VWF: variants seen among roughly 807,000 people sequenced by gnomAD.
VWF encodes the protein von Willebrand factor, also known as Factor VIII related antigen.
Under a neutral mutation model 308.6 loss-of-function variants are expected in VWF, and 176 were observed. The ratio of observed to expected loss-of-function variants is 0.57; its 90% CI spans 0.50 to 0.65. VWF has a LOEUF of 0.65. Ranked by LOEUF, VWF falls within the 30% of genes least tolerant of loss-of-function variation. The pLI, the probability that VWF is intolerant of heterozygous loss-of-function variation, is 0.00. For missense variants in VWF, 3,146 were observed against 3,648.2 expected, an observed-to-expected ratio of 0.86 and a Z score of 3.55; for synonymous variants, 1,385 against 1,443.4, an observed-to-expected ratio of 0.96 and a Z score of 0.92.
rs747032800 is a variant in VWF at position 6,019,554 on chromosome 12, C to A, written c.3864G>T (p.Leu1288=). The A allele has an allele frequency of 1.9e-6, 3 of 1,613,992 alleles. No homozygotes were observed. The highest frequency in any genetic ancestry group is 2.7e-5 in the African/African-American group (2 of 75,052). ...LVFLLDGSSR[L]SEAEFEVLKA... ...TCAGCACTTCAAACTCAGCCTCGGA[C>A]AGCCTGGAGGAGCCATCCAGCAGGA... The change falls in exon 28 of 52, where the codon CTG becomes CTT. Residue 1288 remains leucine, a synonymous_variant. Transcript: ENST00000261405. The surrounding 1 kb of genome is among the most constrained non-coding windows in gnomAD (Gnocchi z 5.8).
At chr12:5,989,843 T>C (rs76562201) in intron 38 of VWF, among the ~76,000 whole-genome samples, 1,817 of 152,310 alleles carry the variant, frequency 0.012, 41 homozygotes, top group African/African-American at 0.042. Context: ...AAAAGATCAT[T>C]TCTGTCTCCT....
At chr12:6,089,685 C>T (rs532873472) in intron 6 of VWF, among the ~76,000 whole-genome samples, 4 of 152,238 alleles carry the variant, frequency 2.6e-5, no homozygotes, top group East Asian at 1.9e-4. Flanking sequence ...CTTTGTATTC[C>T]GAGGGTAGGG....
In VWF at chr12:6,031,438, A is replaced by G. The variant is rs1319162197; in HGVS notation, c.2820+6T>C. 9 of 1,614,152 alleles carry G rather than the reference A, an allele frequency of 5.6e-6. No homozygotes were observed. The highest frequency in any genetic ancestry group is 7.6e-6 in the Non-Finnish European group (9 of 1,180,034). ...GACATGAGGGTGGAGATGAGGCTGC[A>G]CTTACCTCCCCGTCAAACAGCTCAA... On this transcript the variant is annotated splice_donor_region_variant and intron_variant, in intron 21 of 51. Coordinates refer to ENST00000261405, the MANE Select transcript of VWF (RefSeq NM_000552.5).
intron 6 of VWF, among the ~76,000 whole-genome samples, chr12:6,082,446 A>G (rs1944923332): frequency 6.6e-6 from 1 of 152,244 alleles, no homozygotes; most frequent in Non-Finnish European, 1.5e-5. Flanking sequence ...GCGATTAAAC[A>G]GTTGGAGAAC....
Position 6,067,994 on chromosome 12 carries a change from G to C in VWF, c.1157-2721C>G, listed in dbSNP as rs189818803. Among the ~76,000 whole-genome samples, 188 of 152,038 alleles carry C rather than the reference G, an allele frequency of 1.2e-3. 2 individuals are homozygous for C. The highest frequency in any genetic ancestry group is 0.011 in the Admixed American group (168 of 15,272). ...ACTAAAAATACAAAAAATTAGCCGG[G>C]TGTGGTGGCAGGTGCCTGTAATCCC... On this transcript the variant is annotated intron_variant, in intron 10 of 51. Transcript: ENST00000261405.
chr12:6,108,051 T>C (rs1945262876), intron 5 of VWF, among the ~76,000 whole-genome samples: 1 of 151,796 alleles, frequency 6.6e-6, no homozygotes, highest in South Asian at 2.1e-4. Flanking sequence ...CCCAGCACTT[T>C]GGGAGGCAGA....
chr12:5,966,130 A>G (rs1340876999), intron 47 of VWF, among the ~76,000 whole-genome samples: 1 of 151,752 alleles, frequency 6.6e-6, no homozygotes, highest in African/African-American at 2.4e-5. Flanking sequence ...ACAGGCTGGC[A>G]TTGAGGTGGG....
intron 22 of VWF, among the ~76,000 whole-genome samples, chr12:6,029,122 C>A (rs1944228220): frequency 6.6e-6 from 1 of 150,992 alleles, no homozygotes; most frequent in African/African-American, 2.4e-5. Flanking sequence ...ATCCTAGTAT[C>A]TGATAAAACA....
intron 6 of VWF, among the ~76,000 whole-genome samples, chr12:6,085,321 CACTT>C (rs1463433888): frequency 7.9e-5 from 12 of 152,362 alleles, no homozygotes; most frequent in Non-Finnish European, 5.9e-5. Flanking sequence ...GCTGCGCTAT[CACTT>C]ACCATTCACT....
intron 5 of VWF, among the ~76,000 whole-genome samples, chr12:6,105,358 A>G (rs1945229640): frequency 1.3e-5 from 2 of 152,010 alleles, no homozygotes; most frequent in African/African-American, 4.8e-5. Context: ...CCTCCCTAGT[A>G]GCTAGGATTA....
At chr12:5,979,576 C>T (rs1276704093) in intron 42 of VWF, among the ~76,000 whole-genome samples, 2 of 148,790 alleles carry the variant, frequency 1.3e-5, no homozygotes, top group South Asian at 4.3e-4. Flanking sequence ...ATGGTGAAAT[C>T]CCGTCTCTAC....
In VWF at chr12:6,092,616, A is replaced by AGTGAGAGAGAGAGAGAGAGTGTGT. The variant is rs796249343; in HGVS notation, c.657+2843_657+2844insACACACTCTCTCTCTCTCTCTCAC. 1.6e-4 allele frequency among the ~76,000 whole-genome samples: 15 copies of AGTGAGAGAGAGAGAGAGAGTGTGT among 96,670 alleles called. No individual in the cohort carries two copies. The East Asian group carries it at 1.9e-3, about 12-fold the overall frequency. The allele number at this position is 96,670 out of a possible 152,430, so 63.4% of individuals were successfully genotyped here. ...TGCCCAGCTAGTTAGTGAGTGAGTG[A>AGTGAGAGAGAGAGAGAGAGTGTGT]GAGTGTGTGTGTGTGTGTGTGTGTG... On this transcript the variant is annotated intron_variant, in intron 6 of 51. Coordinates refer to ENST00000261405, the MANE Select transcript of VWF (RefSeq NM_000552.5).
In VWF at chr12:6,019,232, T is replaced by G. The variant is rs758651560; in HGVS notation, c.4186A>C (p.Asn1396His). 6.2e-7 allele frequency: 1 copy of G among 1,613,888 alleles called. No individual in the cohort carries two copies. Among genetic ancestry groups the G allele is most frequent in the Non-Finnish European group, 8.5e-7 (1 of 1,179,862 alleles). The change falls in exon 28 of 52, where the codon AAC (asparagine) becomes CAC (histidine). Residue 1396 changes from asparagine to histidine, a missense_variant. Around this residue, in one of 3 missense-constraint regions of VWF, gnomAD observed 853 missense variants for 1,177.8 expected, o/e 0.72. Transcript: ENST00000261405. This position sits in a 1 kb window ranked among gnomAD's most constrained non-coding sequence, Gnocchi z 5.8. ...ASQEPQRMSR[N>H]FVRYVQGLKK... ...AGGCCCTGGACGTAGCGGACAAAGT[T>G]CCGGGACATCCGTTGGGGCTCCTGG...
At chr12:6,055,504 C>A (rs557051744) in intron 15 of VWF, among the ~76,000 whole-genome samples, 3 of 152,220 alleles carry the variant, frequency 2.0e-5, no homozygotes, top group Non-Finnish European at 4.4e-5. Context: ...CCAAGACATC[C>A]CAGAGCTGGA....
Position 6,024,834 on chromosome 12 carries a change from C to T in VWF, c.3222+746G>A, listed in dbSNP as rs1341697850. Among the ~76,000 whole-genome samples the T allele has an allele frequency of 6.6e-6, 1 of 152,146 alleles. No homozygotes were observed. The highest frequency in any genetic ancestry group is 1.5e-5 in the Non-Finnish European group (1 of 68,028). Reference sequence around the variant, plus strand: ...AGTCAGGAGTTCAAGGCCAGCCTGACCAACATGGTGAAACCTTGACTCTAC... The same window carrying T: ...AGTCAGGAGTTCAAGGCCAGCCTGATCAACATGGTGAAACCTTGACTCTAC... On this transcript the variant is annotated intron_variant, in intron 24 of 51. Coordinates refer to ENST00000261405, the MANE Select transcript of VWF (RefSeq NM_000552.5). This position sits in a 1 kb window ranked among gnomAD's most constrained non-coding sequence, Gnocchi z 4.0.
intron 6 of VWF, among the ~76,000 whole-genome samples, chr12:6,084,234 A>T (rs937457945): frequency 6.6e-6 from 1 of 152,252 alleles, no homozygotes; most frequent in African/African-American, 2.4e-5. Flanking sequence ...TGCAATCGGT[A>T]CTGGCTCCTC....
intron 5 of VWF, among the ~76,000 whole-genome samples, chr12:6,105,119 G>C (rs1364464549): frequency 6.6e-6 from 1 of 152,210 alleles, no homozygotes; most frequent in African/African-American, 2.4e-5. Context: ...GAGTGGGGCA[G>C]ATGATGAGAA....
chr12:6,103,215 C>A (rs1478530377), intron 5 of VWF, among the ~76,000 whole-genome samples: 1 of 151,858 alleles, frequency 6.6e-6, no homozygotes, highest in Admixed American at 6.6e-5. Flanking sequence ...GTAGTCCCAG[C>A]TACTAGGGAG....
At chr12:6,044,245 C>A in intron 18 of VWF, 46 bp downstream of exon 18, 1 of 1,611,328 alleles carries the variant, frequency 6.2e-7, no homozygotes, top group Non-Finnish European at 8.5e-7. Context: ...TCCCTGCCTA[C>A]AAGAAAACTG....
Sources: gnomAD v4.1 joint callset for allele counts (sites outside exome capture counted in the v4.1 genomes callset) on GRCh38, gnomAD v4.1.1 for gene constraint, gnomAD v4.1.1 regional missense constraint, Gnocchi (gnomAD v3.1) non-coding constraint, MANE v1.5 for transcripts, NCBI Gene and HGNC (gene_info 2026-07-23, HGNC 2026-07-21) for gene names.